The following UGT1A10 variants were observed in gnomAD, a reference collection of about 807,000 sequenced individuals.
UGT1A10 encodes UDP glucuronosyltransferase family 1 member A10, also known as UDP-glucuronosyltransferase 1A10.
UGT1A10 carries 49 observed loss-of-function variants against 45.8 expected under a neutral mutation model. The observed-to-expected ratio is 1.07, with a 90% confidence interval of 0.85 to 1.36. UGT1A10 has a LOEUF of 1.36. UGT1A10 is among the 40% of genes most tolerant of loss of function. The pLI, the probability that UGT1A10 is intolerant of heterozygous loss-of-function variation, is 0.00. For synonymous variants in UGT1A10, 284 were observed against 249.7 expected (o/e 1.14, Z -1.29); for missense variants, 745 against 668.6 (o/e 1.11, Z -1.26).
chr2:233,659,142 C>T (rs1415832019), intron 1 of UGT1A10, among the ~76,000 whole-genome samples: 1 of 152,162 alleles, frequency 6.6e-6, no homozygotes, highest in Admixed American at 6.5e-5. Context: ...CATCTTTGAT[C>T]AGATTTATCC....
intron 1 of UGT1A10, among the ~76,000 whole-genome samples, chr2:233,662,024 C>T (rs1019463213): frequency 1.3e-5 from 2 of 152,166 alleles, no homozygotes; most frequent in African/African-American, 2.4e-5. Flanking sequence ...AACACTTGAA[C>T]TCCCTGCAAT....
At chr2:233,652,113 G>C (rs183404248) in intron 1 of UGT1A10, among the ~76,000 whole-genome samples, 134 of 152,324 alleles carry the variant, frequency 8.8e-4, no homozygotes, top group Non-Finnish European at 1.6e-3. Context: ...GGTGAGTGTA[G>C]CTCTGGAGAA....
chr2:233,721,857 G>A (rs12475934), intron 1 of UGT1A10: 43,430 of 508,934 alleles, frequency 0.085, 2,681 homozygotes, highest in East Asian at 0.2. Context: ...CCCACTGCTC[G>A]GCCCTGGGCA....
At chr2:233,672,191 T>C (rs1434976538) in intron 1 of UGT1A10, 1 of 1,614,232 alleles carries the variant, frequency 6.2e-7, no homozygotes, top group Non-Finnish European at 8.5e-7. Flanking sequence ...CTGGAGGATC[T>C]GGACCGGGAG....
intron 1 of UGT1A10, among the ~76,000 whole-genome samples, chr2:233,740,131 G>A (rs1211321915): frequency 6.6e-6 from 1 of 151,860 alleles, no homozygotes; most frequent in East Asian, 1.9e-4. Context: ...CTTCTGTCAT[G>A]ATTGTAAGTT....
Position 233,648,046 on chromosome 2 carries a change from A to G in UGT1A10, c.855+10669A>G. On this transcript the variant is annotated intron_variant, in intron 1 of 4. Coordinates refer to ENST00000344644, the MANE Select transcript of UGT1A10 (RefSeq NM_019075.4). Reference sequence around the variant, plus strand: ...GAGTTGGCAACTGGGAAGATCACTGAATTGCACAGTGAAGACTTCTTCAAC... The same window carrying G: ...GAGTTGGCAACTGGGAAGATCACTGGATTGCACAGTGAAGACTTCTTCAAC... 3 of 1,588,874 alleles carry G rather than the reference A, an allele frequency of 1.9e-6. No homozygotes were observed. The South Asian group carries it at 3.5e-5, about 18-fold the overall frequency.
chr2:233,729,651 C>T (rs1188318703), intron 1 of UGT1A10: 5 of 1,613,894 alleles, frequency 3.1e-6, no homozygotes, highest in African/African-American at 2.7e-5. Context: ...TTTTGAGGAA[C>T]ATTCCATGTG....
At chr2:233,649,686 C>G (rs1308127795) in intron 1 of UGT1A10, among the ~76,000 whole-genome samples, 2 of 152,114 alleles carry the variant, frequency 1.3e-5, no homozygotes, top group Admixed American at 6.5e-5. Context: ...CAAGCTTTCC[C>G]AGGTGTTTTT....
intron 1 of UGT1A10, chr2:233,713,447 C>A: frequency 6.2e-7 from 1 of 1,614,140 alleles, no homozygotes; most frequent in Non-Finnish European, 8.5e-7. Context: ...TTCTAACAGA[C>A]CCCTTTCACC....
At chr2:233,648,146 G>A (rs980034144) in intron 1 of UGT1A10, 29 of 1,259,370 alleles carry the variant, frequency 2.3e-5, no homozygotes, top group Admixed American at 1.4e-4. Flanking sequence ...GAAGTACGAC[G>A]CTTATTTTCT....
intron 1 of UGT1A10, among the ~76,000 whole-genome samples, chr2:233,695,260 G>A (rs2075276345): frequency 6.6e-6 from 1 of 151,658 alleles, no homozygotes; most frequent in Non-Finnish European, 1.5e-5. Context: ...TGAGTAGCTG[G>A]GACTATAGGC....
intron 2 of UGT1A10, among the ~76,000 whole-genome samples, chr2:233,767,590 G>T (rs1451772167): frequency 6.6e-6 from 1 of 152,126 alleles, no homozygotes; most frequent in Middle Eastern, 3.2e-3. Context: ...CCCTTAAAGT[G>T]CAGGAAAGTG....
intron 1 of UGT1A10, among the ~76,000 whole-genome samples, chr2:233,726,265 C>T (rs569256499): frequency 2.6e-5 from 4 of 152,302 alleles, no homozygotes; most frequent in East Asian, 1.9e-4. Context: ...CAGTGGCATG[C>T]GCCTATGGTC....
At chr2:233,686,948 T>C (rs1195523937) in intron 1 of UGT1A10, among the ~76,000 whole-genome samples, 1 of 152,166 alleles carries the variant, frequency 6.6e-6, no homozygotes, top group Non-Finnish European at 1.5e-5. Flanking sequence ...AGGGAAGCTG[T>C]CAGTAATTAA....
At chr2:233,686,355 AG>A (rs1282593411) in intron 1 of UGT1A10, among the ~76,000 whole-genome samples, 1 of 152,178 alleles carries the variant, frequency 6.6e-6, no homozygotes, top group Non-Finnish European at 1.5e-5. Flanking sequence ...TGTATATCAA[AG>A]GATACTATCA....
intron 1 of UGT1A10, chr2:233,718,753 G>A: frequency 6.2e-7 from 1 of 1,612,362 alleles, no homozygotes; most frequent in Non-Finnish European, 8.5e-7. Flanking sequence ...AGGTAATTAA[G>A]GCGAAGGAAA....
intron 1 of UGT1A10, among the ~76,000 whole-genome samples, chr2:233,654,841 C>G (rs1228750030): frequency 6.6e-6 from 1 of 152,184 alleles, no homozygotes; most frequent in Admixed American, 6.5e-5. Flanking sequence ...CCTGTAATCC[C>G]TGCACTTAGG....
chr2:233,724,154 G>C (rs1327662182), intron 1 of UGT1A10, among the ~76,000 whole-genome samples: 4 of 77,640 alleles, frequency 5.2e-5, no homozygotes, highest in African/African-American at 1.4e-4. Flanking sequence ...CTGGCCGGGT[G>C]GGGGGGCTGA....
chr2:233,689,286 G>A (rs2074935092), intron 1 of UGT1A10, among the ~76,000 whole-genome samples: 1 of 152,072 alleles, frequency 6.6e-6, no homozygotes, highest in African/African-American at 2.4e-5. Flanking sequence ...CTAAACTGGG[G>A]TTCACTCACC....
Sources: allele counts gnomAD v4.1 joint callset (sites outside exome capture counted in the v4.1 genomes callset), GRCh38; gene constraint gnomAD v4.1.1; transcripts MANE v1.5; gene names NCBI Gene and HGNC (gene_info 2026-07-23, HGNC 2026-07-21).